The following AGBL4 variants were observed in gnomAD, a reference collection of about 807,000 sequenced individuals.
AGBL4 encodes the protein cytosolic carboxypeptidase 6.
In AGBL4, 58 loss-of-function variants were observed where a neutral mutation model predicts 66.4. That is an observed-to-expected ratio of 0.87 (90% CI 0.71 to 1.09). The LOEUF is 1.09. Among genes scored for constraint, AGBL4 ranks in the 50% least tolerant of loss-of-function variants. The pLI is 0.00. For synonymous variants in AGBL4, 234 were observed against 222.9 expected (o/e 1.05, Z -0.44); for missense variants, 579 against 631.0 (o/e 0.92, Z 0.88).
Position 49,554,638 on chromosome 1 carries a change from G to A in AGBL4, c.282+142675C>T, listed in dbSNP as rs371215512. Among the ~76,000 whole-genome samples the A allele has an allele frequency of 3.3e-4, 51 of 152,242 alleles. 1 individual carries two copies. In the South Asian group the frequency reaches 9.5e-3, roughly 28 times the overall value. On this transcript the variant is annotated intron_variant, in intron 3 of 13. Transcript: ENST00000371839. ...AGTAGAAGGCTCCATCAATTGTCCCGCCCACAAATGTGTCCAGAATTGGTG... is the reference window on the plus strand; with the variant it reads ...AGTAGAAGGCTCCATCAATTGTCCCACCCACAAATGTGTCCAGAATTGGTG...
At chr1:49,904,671 T>A (rs567858059) in intron 1 of AGBL4, among the ~76,000 whole-genome samples, 12 of 152,316 alleles carry the variant, frequency 7.9e-5, no homozygotes, top group African/African-American at 2.9e-4. Flanking sequence ...ATATGTTCTA[T>A]TTCTGAAAGT....
At chr1:49,682,607 A>G (rs967822205) in intron 3 of AGBL4, among the ~76,000 whole-genome samples, 5 of 152,280 alleles carry the variant, frequency 3.3e-5, no homozygotes, top group Non-Finnish European at 7.3e-5. Flanking sequence ...TATCTGTCAA[A>G]CCTACTACTT....
intron 3 of AGBL4, among the ~76,000 whole-genome samples, chr1:49,592,739 C>T (rs1644775728): frequency 6.6e-6 from 1 of 152,128 alleles, no homozygotes; most frequent in African/African-American, 2.4e-5. Flanking sequence ...CAAAAAATAA[C>T]AGATGCTGGT....
intron 3 of AGBL4, among the ~76,000 whole-genome samples, chr1:49,279,758 A>C (rs1055834519): frequency 2.0e-5 from 3 of 152,200 alleles, no homozygotes; most frequent in African/African-American, 7.2e-5. Flanking sequence ...GCCAACTCCT[A>C]TCTTGCCTTT....
chr1:49,834,229 G>A (rs1190918699), intron 2 of AGBL4, among the ~76,000 whole-genome samples: 1 of 151,968 alleles, frequency 6.6e-6, no homozygotes, highest in East Asian at 1.9e-4. Flanking sequence ...TTTTTGGTTG[G>A]TACATTATTA....
At chr1:49,430,370 A>C (rs1394367837) in intron 3 of AGBL4, among the ~76,000 whole-genome samples, 2 of 152,144 alleles carry the variant, frequency 1.3e-5, no homozygotes, top group Non-Finnish European at 2.9e-5. Flanking sequence ...TTATTTCTGC[A>C]TGTTGTACTG....
chr1:49,029,270 AAT>A (rs1337173584), intron 5 of AGBL4, among the ~76,000 whole-genome samples: 1 of 152,192 alleles, frequency 6.6e-6, no homozygotes, highest in East Asian at 1.9e-4. Flanking sequence ...AAGAAGTAAA[AAT>A]ATATCTACTT....
chr1:48,883,295 T>G (rs1649967806), intron 5 of AGBL4, among the ~76,000 whole-genome samples: 1 of 152,244 alleles, frequency 6.6e-6, no homozygotes, highest in Non-Finnish European at 1.5e-5. Flanking sequence ...TTTGTCTTTG[T>G]GCTAATAGCC....
chr1:49,433,860 G>A (rs1257934323), intron 3 of AGBL4, among the ~76,000 whole-genome samples: 1 of 152,152 alleles, frequency 6.6e-6, no homozygotes, highest in Non-Finnish European at 1.5e-5. Flanking sequence ...CATAAAAGAT[G>A]TTCAGTAAAT....
intron 1 of AGBL4, among the ~76,000 whole-genome samples, chr1:49,952,282 C>T (rs1656226269): frequency 6.6e-6 from 1 of 151,742 alleles, no homozygotes; most frequent in African/African-American, 2.4e-5. Flanking sequence ...CTGTTACAAC[C>T]GTACCCTGCA....
intron 3 of AGBL4, among the ~76,000 whole-genome samples, chr1:49,418,625 T>C (rs1645479365): frequency 6.6e-6 from 1 of 152,160 alleles, no homozygotes. Context: ...TGGATGAAAG[T>C]AGGAAATAGA....
intron 1 of AGBL4, among the ~76,000 whole-genome samples, chr1:49,982,571 C>T (rs2148387283): frequency 6.6e-6 from 1 of 152,316 alleles, no homozygotes; most frequent in South Asian, 2.1e-4. Flanking sequence ...GGGTGGGTCC[C>T]CAATGAAGCC....
intron 4 of AGBL4, among the ~76,000 whole-genome samples, chr1:49,227,385 T>C (rs1269221072): frequency 3.9e-5 from 6 of 151,982 alleles, no homozygotes; most frequent in Non-Finnish European, 8.8e-5. Flanking sequence ...ACTCTTAACA[T>C]TTTTTTTCAC....
chr1:48,774,473 CT>C (rs1347172344), intron 6 of AGBL4, among the ~76,000 whole-genome samples: 1 of 152,126 alleles, frequency 6.6e-6, no homozygotes, highest in East Asian at 1.9e-4. Context: ...AAGTTGTTGT[CT>C]TTTTTTCCCC....
chr1:48,667,348 T>C (rs986542105), intron 6 of AGBL4, among the ~76,000 whole-genome samples: 4 of 152,218 alleles, frequency 2.6e-5, no homozygotes, highest in Non-Finnish European at 5.9e-5. Context: ...ATAAAGGCAC[T>C]CAGCCTATGG....
At chr1:49,837,139 T>C (rs985666104) in intron 2 of AGBL4, among the ~76,000 whole-genome samples, 2 of 152,230 alleles carry the variant, frequency 1.3e-5, no homozygotes, top group African/African-American at 4.8e-5. Context: ...TTTGAGTCTG[T>C]TGAAGCTGCG....
chr1:49,021,162 C>T (rs996408840), intron 5 of AGBL4, among the ~76,000 whole-genome samples: 1 of 152,144 alleles, frequency 6.6e-6, no homozygotes, highest in Non-Finnish European at 1.5e-5. Flanking sequence ...TGAAGTCAGA[C>T]GGATCTGGGT....
chr1:49,971,510 C>T (rs953175286), intron 1 of AGBL4, among the ~76,000 whole-genome samples: 4 of 152,096 alleles, frequency 2.6e-5, no homozygotes, highest in Non-Finnish European at 5.9e-5. Flanking sequence ...GGTGAAAGTT[C>T]TCAGCTTAAT....
intron 11 of AGBL4, among the ~76,000 whole-genome samples, chr1:48,564,246 GC>G (rs1644440423): frequency 6.6e-6 from 1 of 152,098 alleles, no homozygotes; most frequent in Non-Finnish European, 1.5e-5. Context: ...AAAGCCATAT[GC>G]CTAAGATGCA....
Sources: allele counts gnomAD v4.1 joint callset (sites outside exome capture counted in the v4.1 genomes callset), GRCh38; gene constraint gnomAD v4.1.1; transcripts MANE v1.5; gene names NCBI Gene and HGNC (gene_info 2026-07-23, HGNC 2026-07-21).